The following MAML3 variants were observed in gnomAD, a reference collection of about 807,000 sequenced individuals.
MAML3 encodes the protein mastermind-like protein 3.
Under a neutral mutation model 101.9 loss-of-function variants are expected in MAML3, and 27 were observed. The observed-to-expected ratio is 0.27, with a 90% CI of 0.20 to 0.37. The LOEUF (loss-of-function observed/expected upper bound fraction) is 0.37. Ranked by LOEUF, MAML3 falls within the 10% of genes least tolerant of loss-of-function variation. MAML3 has a pLI of 1.00. For missense variants in MAML3, 1,316 were observed against 1,444.9 expected (o/e 0.91, Z 1.45); for synonymous variants, 501 against 555.9 (o/e 0.90, Z 1.39).
rs191261985 is a variant in MAML3, at chr4:140,142,545, T to C, written c.468+10315A>G. On this transcript the variant is annotated intron_variant, in intron 1 of 4. Coordinates refer to ENST00000509479, the MANE Select transcript of MAML3 (RefSeq NM_018717.5). ...CTCAGCAAAGCAGCCTATTTCATCT[T>C]TGAACAGCTTAAATTTTCATAAGAT... Among the ~76,000 whole-genome samples, 25 of 152,368 alleles carry C rather than the reference T, an allele frequency of 1.6e-4. No individual in the cohort carries two copies. The East Asian group carries it at 4.8e-3, about 29-fold the overall frequency.
chr4:139,958,281 T>A (rs1030922914), intron 1 of MAML3, among the ~76,000 whole-genome samples: 9 of 152,208 alleles, frequency 5.9e-5, no homozygotes, highest in African/African-American at 1.9e-4. Context: ...CCTGCTGACA[T>A]TCCAGAGATG....
At chr4:139,754,926 C>A (rs1729613535) in intron 2 of MAML3, among the ~76,000 whole-genome samples, 1 of 152,216 alleles carries the variant, frequency 6.6e-6, no homozygotes, top group African/African-American at 2.4e-5. Flanking sequence ...GTCCCAGGAG[C>A]AGGCATGGTC....
intron 1 of MAML3, among the ~76,000 whole-genome samples, chr4:140,037,874 C>T (rs1179783856): frequency 6.6e-6 from 1 of 152,214 alleles, no homozygotes; most frequent in Non-Finnish European, 1.5e-5. Context: ...CTACACTGCT[C>T]TGCTGTATGG....
chr4:139,748,423 G>T (rs1729393091), intron 2 of MAML3, among the ~76,000 whole-genome samples: 2 of 152,200 alleles, frequency 1.3e-5, no homozygotes, highest in Admixed American at 1.3e-4. Flanking sequence ...GTGGAGCTCA[G>T]ATTGAGAACC....
intron 1 of MAML3, among the ~76,000 whole-genome samples, chr4:139,943,683 G>A (rs1438841261): frequency 2.6e-5 from 4 of 152,098 alleles, no homozygotes; most frequent in South Asian, 2.1e-4. Flanking sequence ...TGAATTCAAT[G>A]CCTACACTGA....
intron 1 of MAML3, among the ~76,000 whole-genome samples, chr4:139,967,192 G>A (rs576862540): frequency 6.6e-6 from 1 of 152,220 alleles, no homozygotes; most frequent in South Asian, 2.1e-4. Context: ...TCACTGCTAA[G>A]TAAAAAGAGG....
At chr4:140,125,694 G>A (rs1252588349) in intron 1 of MAML3, among the ~76,000 whole-genome samples, 3 of 152,106 alleles carry the variant, frequency 2.0e-5, no homozygotes, top group African/African-American at 4.8e-5. Flanking sequence ...CTGACCTCAC[G>A]TGATCCTCCA....
At chr4:139,752,946 G>T (rs1041938986) in intron 2 of MAML3, among the ~76,000 whole-genome samples, 1 of 152,130 alleles carries the variant, frequency 6.6e-6, no homozygotes, top group African/African-American at 2.4e-5. Flanking sequence ...TTGCAGGCTG[G>T]GGTGATTTTT....
intron 2 of MAML3, among the ~76,000 whole-genome samples, chr4:139,822,538 T>G (rs780324431): frequency 1.4e-4 from 22 of 152,216 alleles, no homozygotes; most frequent in Non-Finnish European, 2.6e-4. Context: ...AGGGCTTTTA[T>G]GCCAGGGTAA....
chr4:140,151,385 G>C (rs1044612185), intron 1 of MAML3, among the ~76,000 whole-genome samples: 1 of 152,074 alleles, frequency 6.6e-6, no homozygotes, highest in Non-Finnish European at 1.5e-5. Flanking sequence ...CGTGCGGGGT[G>C]GGGGGACGTG....
intron 1 of MAML3, among the ~76,000 whole-genome samples, chr4:139,953,054 G>A (rs917146820): frequency 6.6e-6 from 1 of 152,200 alleles, no homozygotes; most frequent in Non-Finnish European, 1.5e-5. Flanking sequence ...ACTAAGTGAT[G>A]TCAGAGGGAA....
chr4:139,864,463 G>A (rs936370712), intron 2 of MAML3, among the ~76,000 whole-genome samples: 1 of 152,060 alleles, frequency 6.6e-6, no homozygotes, highest in Non-Finnish European at 1.5e-5. Context: ...CAGATCACGA[G>A]GTCAAGAGAT....
chr4:140,131,270 C>G (rs1235541552), intron 1 of MAML3, among the ~76,000 whole-genome samples: 2 of 152,160 alleles, frequency 1.3e-5, no homozygotes, highest in Non-Finnish European at 2.9e-5. Flanking sequence ...CTGTAACGTG[C>G]CCTTAAAAGT....
intron 1 of MAML3, among the ~76,000 whole-genome samples, chr4:139,924,634 T>C (rs1395896377): frequency 1.3e-5 from 2 of 151,948 alleles, no homozygotes; most frequent in African/African-American, 4.9e-5. Context: ...AAGTGTACTT[T>C]CATCATCTGG....
At chr4:140,136,963 T>A (rs1728898218) in intron 1 of MAML3, among the ~76,000 whole-genome samples, 1 of 152,258 alleles carries the variant, frequency 6.6e-6, no homozygotes, top group African/African-American at 2.4e-5. Flanking sequence ...CATTTAAAAA[T>A]TCTATTTTGA....
chr4:140,048,907 CA>C (rs1469286795), intron 1 of MAML3, among the ~76,000 whole-genome samples: 1 of 152,008 alleles, frequency 6.6e-6, no homozygotes, highest in Non-Finnish European at 1.5e-5. Flanking sequence ...TACTGTGAGA[CA>C]GAAATGAAAC....
At chr4:139,859,923 G>A (rs1731737680) in intron 2 of MAML3, among the ~76,000 whole-genome samples, 1 of 152,248 alleles carries the variant, frequency 6.6e-6, no homozygotes, top group Admixed American at 6.5e-5. Context: ...GCAAACGAGA[G>A]CGGAGAGGCC....
chr4:139,989,882 C>CAGAGAGAG (rs141031028), intron 1 of MAML3, among the ~76,000 whole-genome samples: 76 of 63,124 alleles, frequency 1.2e-3, no homozygotes, highest in Non-Finnish European at 1.8e-3. Context: ...CACACACACA[C>CAGAGAGAG]AGAGAGAGAG....
chr4:139,810,185 A>ATTT (rs757041549), intron 2 of MAML3, among the ~76,000 whole-genome samples: 31 of 114,622 alleles, frequency 2.7e-4, no homozygotes, highest in Non-Finnish European at 3.7e-4. Flanking sequence ...ACCAAAATTG[A>ATTT]TTTTTTTTTT....
Sources: allele counts gnomAD v4.1 joint callset (sites outside exome capture counted in the v4.1 genomes callset), GRCh38; gene constraint gnomAD v4.1.1; transcripts MANE v1.5; gene names NCBI Gene and HGNC (gene_info 2026-07-23, HGNC 2026-07-21).